The following AGMO variants were observed in gnomAD, a reference collection of about 807,000 sequenced individuals.
AGMO encodes the protein alkylglycerol monooxygenase.
A neutral mutation model predicts 60.2 loss-of-function variants in AGMO; 75 were observed. The observed-to-expected ratio is 1.25, with a 90% CI of 1.03 to 1.51. AGMO has a LOEUF of 1.51. Ranked by LOEUF, AGMO falls within the 40% of genes most tolerant of loss-of-function variation. AGMO has a pLI of 0.00. For missense variants in AGMO, 763 were observed against 525.5 expected (o/e 1.45, Z -4.42); for synonymous variants, 261 against 177.1 (o/e 1.47, Z -3.76).
Position 15,387,640 on chromosome 7 carries a change from G to A in AGMO, c.823-100C>T, listed in dbSNP as rs993903588. On this transcript the variant is annotated intron_variant, in intron 8 of 12. Transcript: ENST00000342526. ...TATTTTATTGTTCAAGGTAATTTAC[G>A]TATTTAAAACGTTATGCCTGATTAG... 1.9e-4 allele frequency: 198 copies of A among 1,069,102 alleles called. 1 individual carries two copies. The East Asian group carries it at 4.6e-3, about 25-fold the overall frequency. 66.2% of individuals were successfully genotyped at this position (1,069,102 alleles called of 1,614,324 possible).
the AGMO span, among the ~76,000 whole-genome samples, chr7:15,134,413 A>G: frequency 1.3e-5 from 2 of 152,082 alleles, no homozygotes; most frequent in Non-Finnish European, 2.9e-5. Flanking sequence ...AGCGTATGCA[A>G]TACGTCACAA....
At chr7:15,217,397 CAA>C (rs1781773181) in intron 12 of AGMO, among the ~76,000 whole-genome samples, 1 of 151,568 alleles carries the variant, frequency 6.6e-6, no homozygotes, top group South Asian at 2.1e-4. Context: ...TGCACACACA[CAA>C]GAAAAACAAA....
At chr7:15,122,900 C>T in the AGMO span, among the ~76,000 whole-genome samples, 1 of 151,954 alleles carries the variant, frequency 6.6e-6, no homozygotes, top group Non-Finnish European at 1.5e-5. Context: ...ATAATCATGT[C>T]ACTACTCTCC....
intron 12 of AGMO, among the ~76,000 whole-genome samples, chr7:15,357,190 C>CGTGTGTGTGTGTGTGTGT (rs36124819): frequency 2.8e-5 from 4 of 144,362 alleles, no homozygotes; most frequent in South Asian, 2.3e-4. Context: ...TATGAATATT[C>CGTGTGTGTGTGTGTGTGT]GTGTGTGTGT....
intron 12 of AGMO, among the ~76,000 whole-genome samples, chr7:15,281,687 C>T (rs990205600): frequency 8.5e-5 from 13 of 152,136 alleles, no homozygotes; most frequent in African/African-American, 3.1e-4. Flanking sequence ...TTTGCAATAC[C>T]CATTGATGGA....
chr7:15,329,227 A>C lies in AGMO; in HGVS notation c.1263+36287T>G, dbSNP rs374651857. ...TATTCGTCTGTATTGTATTTGATAT[A>C]CTTTAATTGTTTCGGTATACTAAAT... On this transcript the variant is annotated intron_variant, in intron 12 of 12. Transcript: ENST00000342526. Among the ~76,000 whole-genome samples the C allele has an allele frequency of 1.5e-3, 225 of 152,310 alleles. 2 individuals carry two copies. In the South Asian group the frequency reaches 0.031, roughly 21 times the overall value.
At chr7:15,201,665 T>G (rs953358829) in intron 12 of AGMO, among the ~76,000 whole-genome samples, 5 of 152,138 alleles carry the variant, frequency 3.3e-5, no homozygotes, top group African/African-American at 1.2e-4. Context: ...TCTTCTGACA[T>G]TTGGAGATAC....
At chr7:15,195,521 G>A (rs73054507), downstream of AGMO, among the ~76,000 whole-genome samples, 3,096 of 152,308 alleles carry the variant, frequency 0.02, 44 homozygotes, top group African/African-American at 0.042. Context: ...ATGCAAATGG[G>A]TTTTGTACTT....
chr7:15,465,555 C>T (rs943787841), intron 3 of AGMO, among the ~76,000 whole-genome samples: 5 of 149,452 alleles, frequency 3.3e-5, no homozygotes, highest in African/African-American at 4.9e-5. Context: ...CCAAGTAGCT[C>T]GGACCACAGG....
the AGMO span, among the ~76,000 whole-genome samples, chr7:15,181,487 G>T: frequency 2.0e-5 from 3 of 151,998 alleles, no homozygotes; most frequent in African/African-American, 7.3e-5. Context: ...CTTCCAAAAA[G>T]CTTCTATCTT....
intron 3 of AGMO, among the ~76,000 whole-genome samples, chr7:15,437,151 C>T (rs1781425381): frequency 6.6e-6 from 1 of 151,992 alleles, no homozygotes; most frequent in Non-Finnish European, 1.5e-5. Context: ...ATATAATAGC[C>T]CATGAATAAC....
intron 5 of AGMO, among the ~76,000 whole-genome samples, chr7:15,416,029 T>C (rs896838075): frequency 2.8e-5 from 4 of 143,922 alleles, no homozygotes; most frequent in African/African-American, 7.6e-5. Context: ...CTTTTTTTCT[T>C]TTTTTTTTTT....
intron 12 of AGMO, among the ~76,000 whole-genome samples, chr7:15,206,952 T>G (rs1781455077): frequency 6.6e-6 from 1 of 152,162 alleles, no homozygotes; most frequent in Non-Finnish European, 1.5e-5. Context: ...ACACAACAAA[T>G]GCAGAATCTT....
downstream of AGMO, among the ~76,000 whole-genome samples, chr7:15,196,794 C>T (rs1193839422): frequency 6.6e-6 from 1 of 152,084 alleles, no homozygotes. Context: ...AAAGAACATG[C>T]CCAAGAAATG....
At chr7:15,181,071 T>A in the AGMO span, among the ~76,000 whole-genome samples, 2 of 152,196 alleles carry the variant, frequency 1.3e-5, no homozygotes, top group African/African-American at 4.8e-5. Flanking sequence ...TGAGGGCAGA[T>A]CCCTCATGAC....
intron 12 of AGMO, among the ~76,000 whole-genome samples, chr7:15,310,629 T>C (rs1780742774): frequency 6.6e-6 from 1 of 152,198 alleles, no homozygotes; most frequent in Non-Finnish European, 1.5e-5. Flanking sequence ...TTTAACTACA[T>C]TCTTTATAAA....
At chr7:15,463,565 G>C (rs925594311) in intron 3 of AGMO, among the ~76,000 whole-genome samples, 1 of 152,116 alleles carries the variant, frequency 6.6e-6, no homozygotes, top group Non-Finnish European at 1.5e-5. Flanking sequence ...GAATTAATAA[G>C]CATTTCTTGA....
At chr7:15,247,164 A>C (rs928210190) in intron 12 of AGMO, among the ~76,000 whole-genome samples, 1 of 152,136 alleles carries the variant, frequency 6.6e-6, no homozygotes, top group Non-Finnish European at 1.5e-5. Context: ...TAAAAAAAAA[A>C]CTGAGAAACA....
chr7:15,333,824 G>C (rs1026705200), intron 12 of AGMO, among the ~76,000 whole-genome samples: 6 of 152,036 alleles, frequency 3.9e-5, no homozygotes, highest in African/African-American at 1.4e-4. Context: ...AATAATTGTA[G>C]TTTGGTATTT....
Sources: allele counts gnomAD v4.1 joint callset (sites outside exome capture counted in the v4.1 genomes callset), GRCh38; gene constraint gnomAD v4.1.1; transcripts MANE v1.5; gene names NCBI Gene and HGNC (gene_info 2026-07-23, HGNC 2026-07-21).